The following CCDC171 variants were observed in gnomAD, a reference collection of about 807,000 sequenced individuals.
CCDC171 encodes the protein coiled-coil domain-containing protein 171.
In CCDC171, 177 loss-of-function variants were observed where a neutral mutation model predicts 168.2. The ratio of observed to expected loss-of-function variants is 1.05; its 90% CI spans 0.93 to 1.19. The LOEUF (loss-of-function observed/expected upper bound fraction) is 1.19, where lower values mean the gene tolerates loss of function less well. Among genes scored for constraint, CCDC171 ranks in the 50% most tolerant of loss-of-function variants. CCDC171 has a pLI of 0.00. For missense variants in CCDC171, 1,991 were observed against 1,539.0 expected, an observed-to-expected ratio of 1.29 and a Z score of -4.91; for synonymous variants, 687 against 540.8, an observed-to-expected ratio of 1.27 and a Z score of -3.75.
the CCDC171 span, among the ~76,000 whole-genome samples, chr9:16,107,522 A>G: frequency 6.6e-6 from 1 of 152,064 alleles, no homozygotes; most frequent in South Asian, 2.1e-4. Context: ...TATTTGCTTT[A>G]CTGTTCTCTC....
intron 21 of CCDC171, among the ~76,000 whole-genome samples, chr9:15,797,341 C>G (rs1015299826): frequency 5.3e-5 from 8 of 152,090 alleles, no homozygotes; most frequent in Non-Finnish European, 2.9e-5. Context: ...CTCAGCCTCT[C>G]AAGTAGCTAG....
At chr9:15,849,074 T>C (rs1260089480) in intron 23 of CCDC171, 127 bp downstream of exon 23, 1 of 522,498 alleles carries the variant, frequency 1.9e-6, no homozygotes, top group African/African-American at 2.0e-5. Flanking sequence ...AGATGCTTTG[T>C]AGATGACTGG....
At chr9:15,791,566 T>C (rs1364065318) in intron 21 of CCDC171, among the ~76,000 whole-genome samples, 10 of 152,178 alleles carry the variant, frequency 6.6e-5, no homozygotes, top group African/African-American at 2.4e-4. Flanking sequence ...CTACCTCTTT[T>C]CCTAATTGAA....
At chr9:15,612,157 C>G (rs1321639507) in intron 6 of CCDC171, among the ~76,000 whole-genome samples, 1 of 152,162 alleles carries the variant, frequency 6.6e-6, no homozygotes, top group Non-Finnish European at 1.5e-5. Context: ...TTATAAACTG[C>G]CTAGTTTATG....
intron 6 of CCDC171, among the ~76,000 whole-genome samples, chr9:16,026,018 G>A (rs1833268275): frequency 2.0e-5 from 3 of 152,124 alleles, no homozygotes; most frequent in East Asian, 1.9e-4. Flanking sequence ...GTCACCCTAC[G>A]GCTAGCATCC....
rs117240226 is a variant in CCDC171 at position 15,652,474 on chromosome 9, C to G, written c.823-4653C>G. Among the ~76,000 whole-genome samples the G allele has an allele frequency of 3.0e-3, 450 of 149,646 alleles. 3 individuals carry two copies. The highest frequency in any genetic ancestry group is 5.1e-3 in the Non-Finnish European group (346 of 67,606). ...CTTTTTTTTTTTTTTGAGACAGAGT[C>G]TGGCTCTGTCACCTGGCTGAATCTT... On this transcript the variant is annotated intron_variant, in intron 7 of 25. Transcript: ENST00000380701.
intron 21 of CCDC171, among the ~76,000 whole-genome samples, chr9:15,791,013 T>C (rs1241579228): frequency 4.6e-5 from 7 of 152,302 alleles, no homozygotes; most frequent in Admixed American, 1.3e-4. Flanking sequence ...TTTAGTGTAG[T>C]TTGAAGTCAG....
At chr9:15,809,967 A>G (rs2059264885) in intron 21 of CCDC171, among the ~76,000 whole-genome samples, 1 of 152,112 alleles carries the variant, frequency 6.6e-6, no homozygotes, top group Admixed American at 6.5e-5. Context: ...GTCCGTTTTG[A>G]CAGGGTGCCG....
At chr9:15,798,572 G>A (rs1006165508) in intron 21 of CCDC171, among the ~76,000 whole-genome samples, 1 of 151,966 alleles carries the variant, frequency 6.6e-6, no homozygotes, top group Non-Finnish European at 1.5e-5. Flanking sequence ...TCTTTTTCTA[G>A]TTGTTAAGGG....
At chr9:15,710,331 G>A (rs1053368542) in intron 11 of CCDC171, among the ~76,000 whole-genome samples, 39 of 151,788 alleles carry the variant, frequency 2.6e-4, no homozygotes, top group African/African-American at 8.2e-4. Flanking sequence ...TTTTTGAGAT[G>A]GAGTCTCACT....
intron 19 of CCDC171, 121 bp downstream of exon 19, chr9:15,777,947 C>A: frequency 3.0e-6 from 2 of 656,270 alleles, no homozygotes; most frequent in Non-Finnish European, 4.8e-6. Flanking sequence ...CTTTATAGTT[C>A]ATGTAAAATT....
chr9:15,668,679 C>T (rs1374254476), intron 9 of CCDC171, among the ~76,000 whole-genome samples: 1 of 152,112 alleles, frequency 6.6e-6, no homozygotes, highest in Non-Finnish European at 1.5e-5. Flanking sequence ...AAGCCACTTC[C>T]ATCCCTACTA....
intron 9 of CCDC171, among the ~76,000 whole-genome samples, chr9:15,673,618 G>T (rs1231317319): frequency 6.6e-6 from 1 of 152,140 alleles, no homozygotes; most frequent in Non-Finnish European, 1.5e-5. Context: ...TGTGATTTTT[G>T]TTGTTGGTTC....
At chr9:16,026,706 A>C (rs1227483916) in intron 6 of CCDC171, among the ~76,000 whole-genome samples, 5 of 152,196 alleles carry the variant, frequency 3.3e-5, no homozygotes, top group African/African-American at 1.2e-4. Flanking sequence ...TTAAGGGGTT[A>C]CTGGTAATAG....
Position 15,553,120 on chromosome 9 carries a change from G to A in CCDC171, c.-294G>A, listed in dbSNP as rs1370412993. 1.3e-5 allele frequency: 2 copies of A among 152,494 alleles called. No individual in the cohort carries two copies. The highest frequency in any genetic ancestry group is 2.9e-5 in the Non-Finnish European group (2 of 68,314). The allele number at this position is 152,494 out of a possible 1,614,324, so 9.4% of individuals were successfully genotyped here. ...GGCAGTTGTAAACTTCACCTCCCGG[G>A]GGCTCTTCCCCTTCTGTACCCCTTT... On this transcript the variant is annotated 5_prime_UTR_variant, in exon 1 of 26. Transcript: ENST00000380701.
chr9:15,566,737 G>C (rs1337844268), intron 2 of CCDC171, among the ~76,000 whole-genome samples: 1 of 152,112 alleles, frequency 6.6e-6, no homozygotes, highest in Non-Finnish European at 1.5e-5. Context: ...TTGTATATAA[G>C]AAATCTCTGA....
rs375247780 is a variant in CCDC171, at chr9:15,607,871, C to G, written c.675+13699C>G. Among the ~76,000 whole-genome samples the G allele has an allele frequency of 2.1e-4, 32 of 152,250 alleles. No homozygotes were observed. In the East Asian group the frequency reaches 4.4e-3, roughly 21 times the overall value. On this transcript the variant is annotated intron_variant, in intron 6 of 25. Transcript: ENST00000380701. ...GCGTGTGCCATAATTTACTCATTAC[C>G]TGACTGCCTTGTCCATTTTCTGTTG... is the stretch of plus-strand genomic sequence containing the variant.
At chr9:15,686,627 C>G (rs749772493) in intron 10 of CCDC171, among the ~76,000 whole-genome samples, 14 of 151,862 alleles carry the variant, frequency 9.2e-5, no homozygotes, top group Non-Finnish European at 1.6e-4. Context: ...TGATGATAGA[C>G]AAAATAGACT....
chr9:16,042,882 T>C (rs1178235074), exon 1 of CCDC171: 1 of 152,188 alleles, frequency 6.6e-6, no homozygotes, highest in Non-Finnish European at 1.5e-5. Context: ...GGGGACACGC[T>C]GTAGGTGAGC....
Sources: gnomAD v4.1 joint callset for allele counts (sites outside exome capture counted in the v4.1 genomes callset) on GRCh38, gnomAD v4.1.1 for gene constraint, MANE v1.5 for transcripts, NCBI Gene and HGNC (gene_info 2026-07-23, HGNC 2026-07-21) for gene names.